The following ARHGAP26 variants were observed in gnomAD, a reference collection of about 807,000 sequenced individuals.
The protein encoded by ARHGAP26 is Rho GTPase activating protein 26, also known as rho GTPase-activating protein 26.
In ARHGAP26, 38 loss-of-function variants were observed where a neutral mutation model predicts 104.8. The observed-to-expected ratio is 0.36, with a 90% CI of 0.28 to 0.48. The LOEUF (loss-of-function observed/expected upper bound fraction) is 0.48, where lower values mean the gene tolerates loss of function less well. Among genes scored for constraint, ARHGAP26 ranks in the 20% least tolerant of loss-of-function variants. ARHGAP26 has a pLI of 0.99. For synonymous variants in ARHGAP26, 341 were observed against 340.0 expected, an observed-to-expected ratio of 1.00 and a Z score of -0.03; for missense variants, 704 against 947.9, an observed-to-expected ratio of 0.74 and a Z score of 3.38.
At chr5:143,165,936 A>C (rs1801874277) in intron 20 of ARHGAP26, 3 of 866,272 alleles carry the variant, frequency 3.5e-6, no homozygotes, top group Non-Finnish European at 4.8e-6. Context: ...GAAATAGTTC[A>C]TGTAGAGCAC....
intron 17 of ARHGAP26, among the ~76,000 whole-genome samples, chr5:143,070,613 G>A (rs554219683): frequency 2.0e-5 from 3 of 152,214 alleles, no homozygotes; most frequent in South Asian, 2.1e-4. Flanking sequence ...AATCCCTATC[G>A]AAATACCAAG....
intron 12 of ARHGAP26, among the ~76,000 whole-genome samples, chr5:143,022,770 A>G (rs1272357325): frequency 6.6e-6 from 1 of 152,216 alleles, no homozygotes; most frequent in Non-Finnish European, 1.5e-5. Context: ...TCAAGGGAGC[A>G]CAGTTGAGAA....
chr5:142,911,662 C>T (rs1761855786), intron 9 of ARHGAP26, among the ~76,000 whole-genome samples: 1 of 152,120 alleles, frequency 6.6e-6, no homozygotes. Context: ...ATTAATCTTC[C>T]TCCTCTTTCT....
intron 5 of ARHGAP26, among the ~76,000 whole-genome samples, chr5:142,886,897 T>G (rs2152409029): frequency 6.6e-6 from 1 of 152,334 alleles, no homozygotes; most frequent in African/African-American, 2.4e-5. Flanking sequence ...CATTTAGGAT[T>G]TGGAAACTAA....
chr5:142,803,242 A>T (rs957597243), intron 1 of ARHGAP26, among the ~76,000 whole-genome samples: 5 of 152,244 alleles, frequency 3.3e-5, no homozygotes, highest in Admixed American at 2.0e-4. Flanking sequence ...ATAAATAATG[A>T]AAAATTTTCA....
chr5:143,092,280 C>G (rs1337233036), intron 17 of ARHGAP26, among the ~76,000 whole-genome samples: 1 of 151,360 alleles, frequency 6.6e-6, no homozygotes, highest in Admixed American at 6.6e-5. Flanking sequence ...TCTCCTGCCT[C>G]GGCCTCCTGA....
At chr5:142,997,798 AGTG>A (rs1401524529) in intron 11 of ARHGAP26, among the ~76,000 whole-genome samples, 8 of 151,766 alleles carry the variant, frequency 5.3e-5, no homozygotes, top group Non-Finnish European at 8.8e-5. Flanking sequence ...ATTTTGCTAA[AGTG>A]GTCCCCAGAT....
intron 1 of ARHGAP26, among the ~76,000 whole-genome samples, chr5:142,822,323 T>G (rs1766358753): frequency 1.3e-5 from 2 of 152,216 alleles, no homozygotes; most frequent in Admixed American, 1.3e-4. Flanking sequence ...TGTTTTCTGG[T>G]GACATACATG....
At chr5:143,212,064 G>T (rs1809551528) in intron 21 of ARHGAP26, among the ~76,000 whole-genome samples, 1 of 152,064 alleles carries the variant, frequency 6.6e-6, no homozygotes, top group Non-Finnish European at 1.5e-5. Context: ...AATAATGTTT[G>T]TGAAAATCCA....
chr5:142,885,823 T>C (rs898316616), intron 5 of ARHGAP26, among the ~76,000 whole-genome samples: 2 of 152,252 alleles, frequency 1.3e-5, no homozygotes, highest in African/African-American at 4.8e-5. Flanking sequence ...TTCCTTAATA[T>C]TGATTTTTTC....
Position 143,121,167 on chromosome 5 carries a change from T to C in ARHGAP26, c.1698+20T>C, listed in dbSNP as rs1427622405. 1 of 1,607,068 alleles carries C rather than the reference T, an allele frequency of 6.2e-7. No homozygotes were observed. The highest frequency in any genetic ancestry group is 8.5e-7 in the Non-Finnish European group (1 of 1,175,240). The stretch of plus-strand genomic sequence containing the variant: ...GAAAAGGTAATATGTAATTGATCAC[T>C]TGCAGTGAAGAATGTACCTGGGGGG... On this transcript the variant is annotated intron_variant, in intron 18 of 22. Coordinates refer to ENST00000645722, the MANE Select transcript of ARHGAP26 (RefSeq NM_001135608.3).
chr5:143,182,801 A>G (rs915109860), intron 20 of ARHGAP26, among the ~76,000 whole-genome samples: 12 of 152,198 alleles, frequency 7.9e-5, no homozygotes, highest in African/African-American at 2.9e-4. Context: ...TATCCACCCA[A>G]TTCTCAAAAT....
intron 11 of ARHGAP26, among the ~76,000 whole-genome samples, chr5:142,996,685 T>A (rs757971159): frequency 6.6e-6 from 1 of 152,058 alleles, no homozygotes; most frequent in Non-Finnish European, 1.5e-5. Context: ...GTGCTAGATT[T>A]GAGGTTAGGG....
intron 11 of ARHGAP26, among the ~76,000 whole-genome samples, chr5:143,001,792 T>G (rs1400480224): frequency 6.6e-6 from 1 of 152,238 alleles, no homozygotes; most frequent in Non-Finnish European, 1.5e-5. Context: ...ATCACAGTGC[T>G]GGGGATACCC....
At chr5:142,774,335 A>C (rs759290076) in intron 1 of ARHGAP26, among the ~76,000 whole-genome samples, 1 of 152,016 alleles carries the variant, frequency 6.6e-6, no homozygotes, top group Non-Finnish European at 1.5e-5. Context: ...GGACTGAAAA[A>C]ATTTGCATCC....
chr5:143,158,313 A>G (rs928762507), intron 20 of ARHGAP26, among the ~76,000 whole-genome samples: 2 of 152,220 alleles, frequency 1.3e-5, no homozygotes, highest in African/African-American at 4.8e-5. Context: ...AAATAATAAA[A>G]TACACTGAAA....
chr5:142,837,037 C>T (rs538099883), intron 1 of ARHGAP26, among the ~76,000 whole-genome samples: 4 of 152,278 alleles, frequency 2.6e-5, no homozygotes, highest in East Asian at 1.9e-4. Flanking sequence ...TCTCGCAGAA[C>T]GCATTTGGAA....
chr5:143,130,620 C>T (rs1262506141), intron 18 of ARHGAP26, among the ~76,000 whole-genome samples: 1 of 152,182 alleles, frequency 6.6e-6, no homozygotes, highest in African/African-American at 2.4e-5. Flanking sequence ...GAAATCATCC[C>T]TTCCAAAATG....
intron 20 of ARHGAP26, among the ~76,000 whole-genome samples, chr5:143,181,447 TC>T (rs1166576028): frequency 6.6e-6 from 1 of 152,130 alleles, no homozygotes; most frequent in Non-Finnish European, 1.5e-5. Flanking sequence ...CCTTACACCT[TC>T]CTCCTCCATG....
Sources: allele counts gnomAD v4.1 joint callset (sites outside exome capture counted in the v4.1 genomes callset), GRCh38; gene constraint gnomAD v4.1.1; transcripts MANE v1.5; gene names NCBI Gene and HGNC (gene_info 2026-07-23, HGNC 2026-07-21).